Variants in DGKI observed in about 807,000 individuals in gnomAD.
The protein encoded by DGKI is DAG kinase iota.
Under a neutral mutation model 147.5 loss-of-function variants are expected in DGKI, and 55 were observed. The observed-to-expected ratio is 0.37, with a 90% confidence interval of 0.30 to 0.47. DGKI has a LOEUF of 0.47. Ranked by LOEUF, DGKI falls within the 20% of genes least tolerant of loss-of-function variation. DGKI has a pLI of 1.00. For synonymous variants in DGKI, 469 were observed against 477.1 expected, an observed-to-expected ratio of 0.98 and a Z score of 0.22; for missense variants, 1,007 against 1,323.8, an observed-to-expected ratio of 0.76 and a Z score of 3.71.
At chr7:137,755,044 T>C (rs893331328) in intron 1 of DGKI, among the ~76,000 whole-genome samples, 26 of 152,208 alleles carry the variant, frequency 1.7e-4, no homozygotes, top group African/African-American at 5.8e-4. Flanking sequence ...CTCAGGGGCA[T>C]ATCTGCTTCT....
At chr7:137,715,350 G>T (rs183090800) in intron 1 of DGKI, among the ~76,000 whole-genome samples, 20 of 152,324 alleles carry the variant, frequency 1.3e-4, no homozygotes, top group African/African-American at 3.8e-4. Flanking sequence ...AAAATTAGAA[G>T]CTCTGAAGCC....
chr7:137,481,086 T>C (rs1815355429), intron 23 of DGKI, among the ~76,000 whole-genome samples: 1 of 152,156 alleles, frequency 6.6e-6, no homozygotes, highest in Non-Finnish European at 1.5e-5. Context: ...CTCTACACTA[T>C]TGACATTTGG....
chr7:137,595,221 A>C (rs1819743467), intron 12 of DGKI, among the ~76,000 whole-genome samples: 1 of 152,246 alleles, frequency 6.6e-6, no homozygotes, highest in Non-Finnish European at 1.5e-5. Flanking sequence ...AAATAGGAGA[A>C]GTAGGTAGTC....
At chr7:137,538,889 T>C (rs941756790) in intron 20 of DGKI, among the ~76,000 whole-genome samples, 3 of 152,054 alleles carry the variant, frequency 2.0e-5, no homozygotes, top group African/African-American at 7.2e-5. Flanking sequence ...CCCCAATCCC[T>C]CTCTCTCCAA....
chr7:137,762,319 A>G (rs2116811672), intron 1 of DGKI, among the ~76,000 whole-genome samples: 1 of 152,356 alleles, frequency 6.6e-6, no homozygotes, highest in South Asian at 2.1e-4. Context: ...TGTAACAAGG[A>G]CCAAGTGATT....
intron 1 of DGKI, among the ~76,000 whole-genome samples, chr7:137,738,222 T>C (rs560011695): frequency 6.6e-6 from 1 of 152,294 alleles, no homozygotes; most frequent in Non-Finnish European, 1.5e-5. Flanking sequence ...GTAATGTAGA[T>C]ACTAAGTGAC....
intron 22 of DGKI, 42 bp downstream of exon 22, chr7:137,487,568 T>C: frequency 1.3e-6 from 2 of 1,529,512 alleles, no homozygotes; most frequent in Non-Finnish European, 9.1e-7. Context: ...TTTACAAAAA[T>C]GGAAAGTTGA....
intron 1 of DGKI, among the ~76,000 whole-genome samples, chr7:137,826,102 G>T (rs1031007379): frequency 6.6e-5 from 10 of 152,160 alleles, no homozygotes; most frequent in Non-Finnish European, 1.5e-4. Flanking sequence ...GGTCATGTGG[G>T]CCTGTGGGTC....
intron 6 of DGKI, among the ~76,000 whole-genome samples, chr7:137,625,134 A>G (rs1040058279): frequency 2.0e-5 from 3 of 152,344 alleles, no homozygotes; most frequent in Admixed American, 6.5e-5. Context: ...CTGTGCAGAA[A>G]AGAGTTAACA....
intron 20 of DGKI, among the ~76,000 whole-genome samples, chr7:137,548,867 A>T (rs1585220211): frequency 6.6e-6 from 1 of 152,192 alleles, no homozygotes. Flanking sequence ...AAGCTGAGGC[A>T]GGAGAATCAC....
Position 137,469,756 on chromosome 7 carries a change from C to A in DGKI, c.2374-137G>T, listed in dbSNP as rs374825959. The A allele has an allele frequency of 1.2e-3, 682 of 569,890 alleles. 5 individuals carry two copies. Among genetic ancestry groups the A allele is most frequent in the African/African-American group, 0.012 (627 of 53,246 alleles). 35.3% of individuals were successfully genotyped at this position (569,890 alleles called of 1,614,324 possible). A position where few individuals can be genotyped will look rare whatever the true frequency, so the allele number is the denominator to read the frequency against. ...TCACATTTTTTTTTCTCTAGGAACACAAAGAAGGGCTCTTTTTTGAAATTC... is the reference window on the plus strand; with the variant it reads ...TCACATTTTTTTTTCTCTAGGAACAAAAAGAAGGGCTCTTTTTTGAAATTC... On this transcript the variant is annotated intron_variant, in intron 23 of 32. Coordinates refer to ENST00000614521, the MANE Select transcript of DGKI (RefSeq NM_001321708.2).
chr7:137,472,474 A>G (rs1815019652), intron 23 of DGKI, among the ~76,000 whole-genome samples: 1 of 142,148 alleles, frequency 7.0e-6, no homozygotes, highest in African/African-American at 2.6e-5. Flanking sequence ...TGTTATATAT[A>G]CATATATATT....
intron 1 of DGKI, among the ~76,000 whole-genome samples, chr7:137,799,412 C>T (rs538843208): frequency 6.6e-6 from 1 of 151,860 alleles, no homozygotes; most frequent in Non-Finnish European, 1.5e-5. Context: ...TAAAAGATTG[C>T]CAAGAAAGTA....
rs1337186094 is a variant in DGKI at position 137,760,692 on chromosome 7, C to G, written c.402-70690G>C. Among the ~76,000 whole-genome samples the G allele has an allele frequency of 3.9e-5, 6 of 152,126 alleles. No individual in the cohort carries two copies. In the East Asian group the frequency reaches 1.2e-3, roughly 29 times the overall value. Reference sequence around the variant, plus strand: ...GGGGGAAGTCCAATAGGAACCATTTCGGTTGGCAAAAAGAAGCTGATGGCT... The same window carrying G: ...GGGGGAAGTCCAATAGGAACCATTTGGGTTGGCAAAAAGAAGCTGATGGCT... On this transcript the variant is annotated intron_variant, in intron 1 of 32. Coordinates refer to ENST00000614521, the MANE Select transcript of DGKI (RefSeq NM_001321708.2).
At chr7:137,545,855 C>A in intron 20 of DGKI, 1 of 691,986 alleles carries the variant, frequency 1.4e-6, no homozygotes, top group South Asian at 1.5e-5. Context: ...CCTGAGGAGA[C>A]GAGGCTGGGG....
At chr7:137,564,146 C>T (rs556493271) in intron 19 of DGKI, among the ~76,000 whole-genome samples, 16 of 152,188 alleles carry the variant, frequency 1.1e-4, no homozygotes, top group African/African-American at 3.9e-4. Context: ...AAAGTTTATT[C>T]AACAAATAGT....
At chr7:137,426,210 A>G (rs533678414) in intron 28 of DGKI, among the ~76,000 whole-genome samples, 3 of 152,136 alleles carry the variant, frequency 2.0e-5, no homozygotes, top group Admixed American at 1.3e-4. Context: ...CTGGGCAGAA[A>G]CTCTACAAGC....
chr7:137,678,464 G>C, intron 3 of DGKI, 93 bp downstream of exon 3: 1 of 1,256,824 alleles, frequency 8.0e-7, no homozygotes, highest in Admixed American at 1.7e-5. Context: ...GGACAGGCTC[G>C]TTCAAACCTC....
intron 28 of DGKI, among the ~76,000 whole-genome samples, chr7:137,426,523 T>G (rs111253664): frequency 6.6e-6 from 1 of 152,120 alleles, no homozygotes; most frequent in South Asian, 2.1e-4. Flanking sequence ...AACATCATAA[T>G]GACAGGATCA....
Sources: gnomAD v4.1 joint callset for allele counts (sites outside exome capture counted in the v4.1 genomes callset) on GRCh38, gnomAD v4.1.1 for gene constraint, MANE v1.5 for transcripts, NCBI Gene and HGNC (gene_info 2026-07-23, HGNC 2026-07-21) for gene names.